RAB10: variants seen among roughly 807,000 people sequenced by gnomAD.
RAB10 encodes ras-related protein Rab-10.
Under a neutral mutation model 25.7 loss-of-function variants are expected in RAB10, and 5 were observed. The observed-to-expected ratio is 0.19, with a 90% CI of 0.10 to 0.41. The LOEUF (loss-of-function observed/expected upper bound fraction) is 0.41. RAB10 is among the 10% of genes least tolerant of loss of function. RAB10 has a pLI of 1.00. For synonymous variants in RAB10, 89 were observed against 86.4 expected (o/e 1.03, Z -0.16); for missense variants, 103 against 245.8 (o/e 0.42, Z 3.89).
At chr2:26,043,566 G>T (rs1665936061) in intron 1 of RAB10, among the ~76,000 whole-genome samples, 3 of 152,184 alleles carry the variant, frequency 2.0e-5, no homozygotes, top group Admixed American at 1.3e-4. Flanking sequence ...TATACACATA[G>T]AATGGAATAT....
At chr2:26,126,090 C>CTAGTGCTATTTATTGACT (rs1306914278) in intron 3 of RAB10, among the ~76,000 whole-genome samples, 1 of 152,108 alleles carries the variant, frequency 6.6e-6, no homozygotes, top group Non-Finnish European at 1.5e-5. Context: ...TCTGGTTTTC[C>CTAGTGCTATTTATTGACT]TAGTGCTATT....
In RAB10 at chr2:26,092,304, TG is replaced by T. The variant is rs1559590828; in HGVS notation, c.128-6357del. ...GTGTGTGTGTGTGTGTGTGTGTGTG[TG>T]TGTGTGTGTGTGTGTGTTGGGGTGG... is the stretch of plus-strand genomic sequence containing the variant. On this transcript the variant is annotated intron_variant, in intron 1 of 5. Coordinates refer to ENST00000264710, the MANE Select transcript of RAB10 (RefSeq NM_016131.5). Among the ~76,000 whole-genome samples the T allele has an allele frequency of 5.9e-3, 399 of 67,720 alleles. 2 individuals carry two copies. Among genetic ancestry groups the T allele is most frequent in the South Asian group, 8.8e-3 (21 of 2,376 alleles). The allele number at this position is 67,720 out of a possible 152,430, so 44.4% of individuals were successfully genotyped here. A position where few individuals can be genotyped will look rare whatever the true frequency, so the allele number is the denominator to read the frequency against.
At chr2:26,049,411 CTT>C (rs113360769) in intron 1 of RAB10, among the ~76,000 whole-genome samples, 18 of 141,784 alleles carry the variant, frequency 1.3e-4, no homozygotes, top group Admixed American at 2.1e-4. Context: ...TTTTTTCCCT[CTT>C]TTTTTTTTTT....
At chr2:26,112,040 T>A (rs990186733) in intron 3 of RAB10, among the ~76,000 whole-genome samples, 2 of 152,124 alleles carry the variant, frequency 1.3e-5, no homozygotes, top group Non-Finnish European at 2.9e-5. Context: ...CATTATAAAG[T>A]ATACAATTCA....
At chr2:26,100,755 TAAG>T (rs1667323776) in intron 2 of RAB10, among the ~76,000 whole-genome samples, 1 of 152,208 alleles carries the variant, frequency 6.6e-6, no homozygotes, top group Non-Finnish European at 1.5e-5. Context: ...CATTTTATTT[TAAG>T]AAGACCTGGA....
At chr2:26,081,508 C>G (rs1666868879) in intron 1 of RAB10, among the ~76,000 whole-genome samples, 1 of 152,150 alleles carries the variant, frequency 6.6e-6, no homozygotes, top group Non-Finnish European at 1.5e-5. Context: ...AGGAGACATA[C>G]AGCTAAATGC....
chr2:26,053,275 A>G (rs565583582), intron 1 of RAB10, among the ~76,000 whole-genome samples: 3 of 152,310 alleles, frequency 2.0e-5, no homozygotes, highest in South Asian at 2.1e-4. Context: ...GTTCTTTAGG[A>G]TAGTGGAATG....
chr2:26,122,445 G>A (rs553006250), intron 3 of RAB10, among the ~76,000 whole-genome samples: 1 of 152,066 alleles, frequency 6.6e-6, no homozygotes, highest in Non-Finnish European at 1.5e-5. Flanking sequence ...TGGCTAACAC[G>A]TTGAAACCCC....
intron 1 of RAB10, among the ~76,000 whole-genome samples, chr2:26,085,221 A>G (rs966470174): frequency 2.6e-5 from 4 of 152,088 alleles, no homozygotes; most frequent in African/African-American, 7.2e-5. Flanking sequence ...GGGGGCAGTG[A>G]CTCACGCCTG....
intron 1 of RAB10, among the ~76,000 whole-genome samples, chr2:26,056,238 C>T (rs529509214): frequency 8.6e-5 from 13 of 151,958 alleles, no homozygotes; most frequent in Admixed American, 2.0e-4. Context: ...CTTGCTCTGT[C>T]GCCAGGCTAG....
rs1378613548 is a variant in RAB10, at chr2:26,135,345, G to A, written c.*324G>A. On this transcript the variant is annotated 3_prime_UTR_variant, in exon 6 of 6. Transcript: ENST00000264710. ...ATAGCAATCATTTCAAATCTATTCT[G>A]CAAATTGTATAAGAATAAAGTTAGA... 9.8e-6 allele frequency: 2 copies of A among 204,936 alleles called. No homozygotes were observed. Among genetic ancestry groups the A allele is most frequent in the Admixed American group, 5.9e-5 (1 of 17,004 alleles). The allele number at this position is 204,936 out of a possible 1,614,324, so 12.7% of individuals were successfully genotyped here. A position where few individuals can be genotyped will look rare whatever the true frequency, so the allele number is the denominator to read the frequency against.
At chr2:26,104,189 A>G (rs189348367) in intron 2 of RAB10, among the ~76,000 whole-genome samples, 11 of 152,294 alleles carry the variant, frequency 7.2e-5, no homozygotes, top group Admixed American at 4.6e-4. Flanking sequence ...ATCATTTTAC[A>G]TTGTCACCAA....
At chr2:26,121,093 G>T (rs1667794816) in intron 3 of RAB10, among the ~76,000 whole-genome samples, 1 of 151,862 alleles carries the variant, frequency 6.6e-6, no homozygotes, top group Admixed American at 6.6e-5. Context: ...AGTAATTTTA[G>T]TAGAGACAGG....
chr2:26,107,524 G>A (rs557205395), intron 2 of RAB10, among the ~76,000 whole-genome samples: 1 of 152,064 alleles, frequency 6.6e-6, no homozygotes, highest in East Asian at 1.9e-4. Context: ...GGCCAGCCAC[G>A]GTGGCTCACG....
chr2:26,129,970 C>T lies in RAB10; in HGVS notation c.519+2019C>T, dbSNP rs180961930. On this transcript the variant is annotated intron_variant, in intron 5 of 5. Coordinates refer to ENST00000264710, the MANE Select transcript of RAB10 (RefSeq NM_016131.5). ...ATGATACCAAACATACATATGTACA[C>T]GCAGATACATTTTGTTATTTTTAGC... Among the ~76,000 whole-genome samples, 150 of 152,224 alleles carry T rather than the reference C, an allele frequency of 9.9e-4. 1 individual carries two copies. In the South Asian group the frequency reaches 0.014, roughly 14 times the overall value.
At chr2:26,086,506 T>C (rs1191325952) in intron 1 of RAB10, among the ~76,000 whole-genome samples, 1 of 152,210 alleles carries the variant, frequency 6.6e-6, no homozygotes, top group Non-Finnish European at 1.5e-5. Context: ...ACGTTGCTCA[T>C]GTGAATGTAA....
chr2:26,127,618 G>T (rs929599360), intron 4 of RAB10, among the ~76,000 whole-genome samples: 11 of 152,176 alleles, frequency 7.2e-5, no homozygotes, highest in Non-Finnish European at 1.5e-4. Flanking sequence ...TCATAAGTTT[G>T]CCCCCAGTGT....
intron 1 of RAB10, among the ~76,000 whole-genome samples, chr2:26,097,860 A>G (rs184051467): frequency 5.9e-5 from 9 of 152,216 alleles, no homozygotes; most frequent in African/African-American, 2.2e-4. Context: ...AGTTCTATTA[A>G]TTTTTGCTTC....
At chr2:26,134,421 A>G (rs973698974) in intron 5 of RAB10, among the ~76,000 whole-genome samples, 2 of 152,200 alleles carry the variant, frequency 1.3e-5, no homozygotes, top group African/African-American at 4.8e-5. Flanking sequence ...TCAGCCATCT[A>G]TATCCATTTT....
Sources: gnomAD v4.1 joint callset for allele counts (sites outside exome capture counted in the v4.1 genomes callset) on GRCh38, gnomAD v4.1.1 for gene constraint, MANE v1.5 for transcripts, NCBI Gene and HGNC (gene_info 2026-07-23, HGNC 2026-07-21) for gene names.